GMEB1: variants seen among roughly 807,000 people sequenced by gnomAD.
GMEB1 encodes the protein glucocorticoid modulatory element-binding protein 1.
Under a neutral mutation model 52.4 loss-of-function variants are expected in GMEB1, and 6 were observed. That is an observed-to-expected ratio of 0.11 (90% CI 0.06 to 0.23). GMEB1 has a LOEUF of 0.23. Ranked by LOEUF, GMEB1 falls within the 10% of genes least tolerant of loss-of-function variation. The probability of loss-of-function intolerance (pLI) is 1.00; values close to 1 mark genes in which losing one functional copy is unlikely to be tolerated. For synonymous variants in GMEB1, 255 were observed against 244.9 expected, an observed-to-expected ratio of 1.04 and a Z score of -0.38; for missense variants, 486 against 685.6, an observed-to-expected ratio of 0.71 and a Z score of 3.25.
At position 28,717,010 on chromosome 1, in the gene GMEB1, A is replaced by C. The variant is rs1294668356; in HGVS notation, c.*2237A>C. The C allele has an allele frequency of 1.3e-5, 2 of 152,056 alleles. No individual in the cohort carries two copies. The highest frequency in any genetic ancestry group is 4.8e-5 in the African/African-American group (2 of 41,426). The allele number at this position is 152,056 out of a possible 1,614,324, so 9.4% of individuals were successfully genotyped here. ...TGGGAGGAATATTTTTATTAAAAACAAAACTTGGACCTGTAGTTTTTTTTT... is the reference window on the plus strand; with the variant it reads ...TGGGAGGAATATTTTTATTAAAAACCAAACTTGGACCTGTAGTTTTTTTTT... On this transcript the variant is annotated 3_prime_UTR_variant, in exon 10 of 10. Coordinates refer to ENST00000373816, the MANE Select transcript of GMEB1 (RefSeq NM_001319674.2).
chr1:28,689,968 A>G, intron 2 of GMEB1, 136 bp from the exon 3 acceptor site: 1 of 564,170 alleles, frequency 1.8e-6, no homozygotes, highest in Non-Finnish European at 3.1e-6. Context: ...ACAATGGGAA[A>G]CTAGTCAGAG....
In GMEB1 at chr1:28,690,203, G is replaced by GTTTTTTTTTTTTT. The variant is rs878890649; in HGVS notation, c.211+26_211+38dup. Reference sequence around the variant, plus strand: ...AAGGGATTGGTAAGGGTTTTTTTGTGTTTTTTTTTTTTTTTTTTTTTGTCA... The same window carrying GTTTTTTTTTTTTT: ...AAGGGATTGGTAAGGGTTTTTTTGTGTTTTTTTTTTTTTTTTTTTTTTTTTTTTTTTTTTGTCA... On this transcript the variant is annotated intron_variant, in intron 3 of 9. Transcript: ENST00000373816. The GTTTTTTTTTTTTT allele has an allele frequency of 5.4e-4, 277 of 515,736 alleles. No homozygotes were observed. Among genetic ancestry groups the GTTTTTTTTTTTTT allele is most frequent in the South Asian group, 1.2e-3 (53 of 42,566 alleles). 31.9% of individuals were successfully genotyped at this position (515,736 alleles called of 1,614,324 possible).
chr1:28,698,543 C>T (rs1557514141), intron 6 of GMEB1, among the ~76,000 whole-genome samples: 2 of 151,516 alleles, frequency 1.3e-5, no homozygotes, highest in African/African-American at 2.4e-5. Context: ...GGTATGGTGG[C>T]GGGTGCCTGT....
At chr1:28,691,797 A>G (rs1249084687) in intron 4 of GMEB1, 88 bp downstream of exon 4, 5 of 427,844 alleles carry the variant, frequency 1.2e-5, no homozygotes, top group Admixed American at 3.5e-5. Flanking sequence ...ATCTTCCACT[A>G]TATCAGTTTT....
At chr1:28,671,698 C>A (rs988960956) in intron 1 of GMEB1, among the ~76,000 whole-genome samples, 1 of 151,862 alleles carries the variant, frequency 6.6e-6, no homozygotes, top group East Asian at 1.9e-4. Context: ...GAGCCGAGAG[C>A]GCACCACTGC....
Position 28,683,585 on chromosome 1 carries a change from G to A in GMEB1, c.-28G>A, listed in dbSNP as rs1669495596. 1.3e-5 allele frequency: 20 copies of A among 1,585,452 alleles called. No individual in the cohort carries two copies. Among genetic ancestry groups the A allele is most frequent in the Non-Finnish European group, 1.7e-5 (20 of 1,167,178 alleles). On this transcript the variant is annotated splice_region_variant and 5_prime_UTR_variant, in exon 2 of 10. Coordinates refer to ENST00000373816, the MANE Select transcript of GMEB1 (RefSeq NM_001319674.2). ...TTGGTGCTTCTTGTTCCCGACAGCAGTCCCAGCTATCTGACTTCATGTGAA... is the reference window on the plus strand; with the variant it reads ...TTGGTGCTTCTTGTTCCCGACAGCAATCCCAGCTATCTGACTTCATGTGAA...
intron 4 of GMEB1, among the ~76,000 whole-genome samples, chr1:28,691,937 T>C (rs888294476): frequency 1.3e-5 from 2 of 151,442 alleles, no homozygotes; most frequent in African/African-American, 2.4e-5. Context: ...TCCTAGCACT[T>C]TGGGAGACTG....
intron 9 of GMEB1, among the ~76,000 whole-genome samples, chr1:28,712,781 G>A (rs1345855633): frequency 6.6e-6 from 1 of 151,796 alleles, no homozygotes; most frequent in Non-Finnish European, 1.5e-5. Flanking sequence ...AGGTTGCAGT[G>A]AGCCAAGATC....
In GMEB1 at chr1:28,701,979, A is replaced by C. The variant is rs568824583; in HGVS notation, c.599-459A>C. Among the ~76,000 whole-genome samples, 7 of 152,310 alleles carry C rather than the reference A, an allele frequency of 4.6e-5. 1 individual carries two copies. The South Asian group carries it at 1.4e-3, about 32-fold the overall frequency. ...TCTTTTACTTTCTCTTTATAGGCTA[A>C]TAAATAAGTTAGATGCTTAGCATCA... is the stretch of plus-strand genomic sequence containing the variant. On this transcript the variant is annotated intron_variant, in intron 6 of 9. Transcript: ENST00000373816.
chr1:28,716,624 G>A lies in GMEB1; in HGVS notation c.*1851G>A, dbSNP rs1671280042. ...TGGCAGAGAGGACTCAACACCCCCAGGCTTTCCTGAGGCACCAACTAGATG... is the reference window on the plus strand; with the variant it reads ...TGGCAGAGAGGACTCAACACCCCCAAGCTTTCCTGAGGCACCAACTAGATG... On this transcript the variant is annotated 3_prime_UTR_variant, in exon 10 of 10. Transcript: ENST00000373816. 6.6e-6 allele frequency: 1 copy of A among 152,032 alleles called. No individual in the cohort carries two copies. Among genetic ancestry groups the A allele is most frequent in the Non-Finnish European group, 1.5e-5 (1 of 68,050 alleles). 9.4% of individuals were successfully genotyped at this position (152,032 alleles called of 1,614,324 possible). A position where few individuals can be genotyped will look rare whatever the true frequency, so the allele number is the denominator to read the frequency against.
At chr1:28,687,195 G>C (rs1669684536) in intron 2 of GMEB1, among the ~76,000 whole-genome samples, 1 of 151,558 alleles carries the variant, frequency 6.6e-6, no homozygotes, top group Non-Finnish European at 1.5e-5. Context: ...AAATTAGCCA[G>C]ATGTGGTGGC....
intron 5 of GMEB1, among the ~76,000 whole-genome samples, chr1:28,695,442 G>T (rs572638464): frequency 6.6e-6 from 1 of 151,230 alleles, no homozygotes; most frequent in East Asian, 2.0e-4. Flanking sequence ...ATGTTGGTCA[G>T]GCTGGTCTCA....
intron 1 of GMEB1, among the ~76,000 whole-genome samples, chr1:28,676,730 A>AT (rs1553134811): frequency 4.5e-4 from 68 of 151,314 alleles, no homozygotes; most frequent in Admixed American, 2.3e-3. Context: ...GTCTCAAAAA[A>AT]AAATAAATAA....
chr1:28,687,387 C>CACACAAAA lies in GMEB1; in HGVS notation c.129-2716_129-2715insCACAAAAA, dbSNP rs1553136455. Reference sequence around the variant, plus strand: ...ACACACACACACACACACACACACACAAAAAAAGACAGTGGAGAATAATGT... The same window carrying CACACAAAA: ...ACACACACACACACACACACACACACACACAAAAAAAAAAAGACAGTGGAGAATAATGT... On this transcript the variant is annotated intron_variant, in intron 2 of 9. Coordinates refer to ENST00000373816, the MANE Select transcript of GMEB1 (RefSeq NM_001319674.2). Among the ~76,000 whole-genome samples the CACACAAAA allele has an allele frequency of 1.7e-4, 7 of 41,130 alleles. 1 individual carries two copies. Among genetic ancestry groups the CACACAAAA allele is most frequent in the Non-Finnish European group, 3.1e-4 (7 of 22,654 alleles). The allele number at this position is 41,130 out of a possible 152,430, so 27.0% of individuals were successfully genotyped here. A position where few individuals can be genotyped will look rare whatever the true frequency, so the allele number is the denominator to read the frequency against.
chr1:28,702,413 C>T, intron 6 of GMEB1, 25 bp from the exon 7 acceptor site: 1 of 1,606,420 alleles, frequency 6.2e-7, no homozygotes, highest in South Asian at 1.1e-5. Context: ...ATTCACTGTT[C>T]TCACCTCTAC....
At chr1:28,697,162 C>CACATATATATAT (rs1553137926) in intron 6 of GMEB1, 78 bp downstream of exon 6, 1 of 145,494 alleles carries the variant, frequency 6.9e-6, no homozygotes, top group Non-Finnish European at 1.2e-5. Flanking sequence ...CTTGTGTGTA[C>CACATATATATAT]ATATATATAT....
chr1:28,699,522 C>T (rs1245710160), intron 6 of GMEB1, among the ~76,000 whole-genome samples: 2 of 152,040 alleles, frequency 1.3e-5, no homozygotes, highest in East Asian at 3.9e-4. Context: ...CTCCCCCTCC[C>T]GGGTTCAAGC....
intron 1 of GMEB1, among the ~76,000 whole-genome samples, chr1:28,678,863 G>T (rs1202946744): frequency 2.0e-5 from 3 of 151,988 alleles, no homozygotes; most frequent in African/African-American, 7.2e-5. Flanking sequence ...CTAGGTATCA[G>T]CCACGGTGCC....
chr1:28,682,640 A>AT (rs1288702156), intron 1 of GMEB1, among the ~76,000 whole-genome samples: 8 of 150,948 alleles, frequency 5.3e-5, no homozygotes, highest in Non-Finnish European at 1.2e-4. Flanking sequence ...AAAAAAAAAA[A>AT]GTCTTAGAGG....
Sources: allele counts gnomAD v4.1 joint callset (sites outside exome capture counted in the v4.1 genomes callset), GRCh38; gene constraint gnomAD v4.1.1; transcripts MANE v1.5; gene names NCBI Gene and HGNC (gene_info 2026-07-23, HGNC 2026-07-21).